AIF1L: variants seen among roughly 807,000 people sequenced by gnomAD.
The protein encoded by AIF1L is allograft inflammatory factor 1 like.
In AIF1L, 12 loss-of-function variants were observed where a neutral mutation model predicts 20.7. The ratio of observed to expected loss-of-function variants is 0.58; its 90% confidence interval spans 0.37 to 0.94. AIF1L has a LOEUF of 0.94. Ranked by LOEUF, AIF1L falls within the 40% of genes least tolerant of loss-of-function variation. The pLI is 0.01. For missense variants in AIF1L, 173 were observed against 185.3 expected, an observed-to-expected ratio of 0.93 and a Z score of 0.39; for synonymous variants, 76 against 65.1, an observed-to-expected ratio of 1.17 and a Z score of -0.81.
intron 4 of AIF1L, among the ~76,000 whole-genome samples, chr9:131,114,923 C>T (rs1830974915): frequency 6.6e-6 from 1 of 152,202 alleles, no homozygotes; most frequent in Non-Finnish European, 1.5e-5. Flanking sequence ...TGGACAGGCC[C>T]TGGGCCTCCT....
Position 131,121,117 on chromosome 9 carries a change from T to A in AIF1L, c.*795T>A. ...GTGCTGTTCCACCTTTTAGGGAGGT[T>A]ACTGAGGGGACCAGGATGGGAGAAT... On this transcript the variant is annotated 3_prime_UTR_variant, in exon 6 of 6. Transcript: ENST00000247291. The A allele has an allele frequency of 1.4e-6, 1 of 714,268 alleles. No individual in the cohort carries two copies. Among genetic ancestry groups the A allele is most frequent in the Non-Finnish European group, 2.6e-6 (1 of 383,604 alleles). 44.2% of individuals were successfully genotyped at this position (714,268 alleles called of 1,614,324 possible).
intron 2 of AIF1L, among the ~76,000 whole-genome samples, chr9:131,104,939 A>G (rs1167073089): frequency 3.3e-5 from 5 of 151,696 alleles, no homozygotes. Context: ...AGTGGATTCA[A>G]ACTCAGGCAT....
At chr9:131,099,406 A>G (rs1017281630) in intron 2 of AIF1L, among the ~76,000 whole-genome samples, 4 of 152,238 alleles carry the variant, frequency 2.6e-5, no homozygotes, top group African/African-American at 9.6e-5. Flanking sequence ...ACCCACGGCC[A>G]TGGGGGCAGT....
Position 131,096,534 on chromosome 9 carries a change from C to G in AIF1L, c.-96C>G. 1 of 1,386,980 alleles carries G rather than the reference C, an allele frequency of 7.2e-7. No individual in the cohort carries two copies. The highest frequency in any genetic ancestry group is 9.4e-7 in the Non-Finnish European group (1 of 1,062,236). The allele number at this position is 1,386,980 out of a possible 1,614,324, so 85.9% of individuals were successfully genotyped here. On this transcript the variant is annotated 5_prime_UTR_variant, in exon 1 of 6. Transcript: ENST00000247291. ...TCCGCCCCTCGGTCCCGCGGCCACA[C>G]GCAGCTAGCCGGAGCCCGGACCAGG...
chr9:131,104,554 C>T (rs184901215), intron 2 of AIF1L, among the ~76,000 whole-genome samples: 25 of 152,212 alleles, frequency 1.6e-4, no homozygotes, highest in Admixed American at 3.3e-4. Flanking sequence ...CTCTCTGGGC[C>T]TCAGTTGTCC....
At chr9:131,111,538 A>G (rs541567942) in intron 2 of AIF1L, 59 bp from the exon 3 acceptor site, 29 of 1,511,634 alleles carry the variant, frequency 1.9e-5, no homozygotes, top group Middle Eastern at 1.7e-4. Flanking sequence ...CAGTGGGCCC[A>G]TGTGTGGGTG....
intron 4 of AIF1L, among the ~76,000 whole-genome samples, chr9:131,116,077 C>T (rs1304583590): frequency 1.3e-5 from 2 of 151,816 alleles, no homozygotes; most frequent in African/African-American, 4.8e-5. Flanking sequence ...GCATCACCCA[C>T]AACCCCACCT....
At chr9:131,109,845 A>G (rs1469967078) in intron 2 of AIF1L, among the ~76,000 whole-genome samples, 2 of 152,132 alleles carry the variant, frequency 1.3e-5, no homozygotes, top group Non-Finnish European at 2.9e-5. Context: ...GCAGGCTCCA[A>G]ATGAGATGGA....
At chr9:131,099,172 G>A (rs1206053678) in intron 2 of AIF1L, among the ~76,000 whole-genome samples, 3 of 152,200 alleles carry the variant, frequency 2.0e-5, no homozygotes, top group Non-Finnish European at 4.4e-5. Context: ...ATAGCTATCA[G>A]GACAGTTTCT....
intron 2 of AIF1L, among the ~76,000 whole-genome samples, chr9:131,104,178 C>T (rs1564164678): frequency 6.6e-6 from 1 of 152,238 alleles, no homozygotes; most frequent in Non-Finnish European, 1.5e-5. Context: ...GGCCTCCAGG[C>T]CTGCCCCTCT....
intron 2 of AIF1L, chr9:131,111,368 G>A (rs1830879020): frequency 2.0e-6 from 1 of 508,952 alleles, no homozygotes; most frequent in South Asian, 2.7e-5. Flanking sequence ...GTCACCCGTA[G>A]TGAACCCTCT....
At position 131,096,840 on chromosome 9, in the gene AIF1L, A is replaced by C. The variant is rs1273612439; in HGVS notation, c.70A>C (p.Arg24=). 3 of 1,537,900 alleles carry C rather than the reference A, an allele frequency of 2.0e-6. No homozygotes were observed. The highest frequency in any genetic ancestry group is 2.6e-6 in the Non-Finnish European group (3 of 1,142,966). ...CGGCTTGCTCAAAGCCCGGCAGGAG[A>C]GGAGGCTGGCCGAGATCAACCGGGT... ...AFGLLKARQE[R]RLAEINREFL... Residue 24 remains arginine (R), a synonymous_variant, in exon 2 of 6, where the codon AGG becomes CGG. Coordinates refer to ENST00000247291, the MANE Select transcript of AIF1L (RefSeq NM_031426.4).
intron 4 of AIF1L, 124 bp downstream of exon 4, chr9:131,114,742 C>A: frequency 1.6e-6 from 2 of 1,214,786 alleles, no homozygotes; most frequent in Non-Finnish European, 2.4e-6. Flanking sequence ...TTGCGCCGAG[C>A]CAGCCCCAGC....
intron 5 of AIF1L, 141 bp downstream of exon 5, chr9:131,118,059 C>T: frequency 1.2e-6 from 1 of 830,060 alleles, no homozygotes; most frequent in South Asian, 2.2e-5. Flanking sequence ...ACTTACTTCT[C>T]CTGATCCTGA....
intron 2 of AIF1L, 23 bp downstream of exon 2, chr9:131,096,886 C>A: frequency 6.6e-7 from 1 of 1,516,896 alleles, no homozygotes; most frequent in Non-Finnish European, 8.8e-7. Context: ...CCCAGGGCAG[C>A]ACGCGAGTCC....
rs1470015366 is a variant in AIF1L, at chr9:131,111,785, CCTT to C, written c.160+127_160+129del. The stretch of plus-strand genomic sequence containing the variant: ...TGTGGCCCTGTTTTGTCCAGAATGC[CCTT>C]CTTCCTGGAGAAGGCTTGGAGACAG... On this transcript the variant is annotated intron_variant, in intron 3 of 5. Coordinates refer to ENST00000247291, the MANE Select transcript of AIF1L (RefSeq NM_031426.4). 9 of 1,017,778 alleles carry C rather than the reference CCTT, an allele frequency of 8.8e-6. No homozygotes were observed. In the East Asian group the frequency reaches 1.9e-4, roughly 22 times the overall value. The allele number at this position is 1,017,778 out of a possible 1,614,324, so 63.0% of individuals were successfully genotyped here.
intron 2 of AIF1L, among the ~76,000 whole-genome samples, chr9:131,102,658 A>G (rs1172311110): frequency 6.6e-6 from 1 of 152,188 alleles, no homozygotes; most frequent in Non-Finnish European, 1.5e-5. Context: ...GTTGGCGAGG[A>G]TGCGGCATCT....
At chr9:131,101,963 C>T (rs909302583) in intron 2 of AIF1L, among the ~76,000 whole-genome samples, 3 of 152,138 alleles carry the variant, frequency 2.0e-5, no homozygotes, top group Non-Finnish European at 4.4e-5. Context: ...GTCACCCAGG[C>T]TGGAGTGCAG....
intron 2 of AIF1L, among the ~76,000 whole-genome samples, chr9:131,110,017 C>A (rs1435759314): frequency 6.6e-6 from 1 of 152,142 alleles, no homozygotes; most frequent in African/African-American, 2.4e-5. Context: ...TGGGACCAGC[C>A]TGGGCAACAG....
Sources: allele counts gnomAD v4.1 joint callset (sites outside exome capture counted in the v4.1 genomes callset), GRCh38; gene constraint gnomAD v4.1.1; transcripts MANE v1.5; gene names NCBI Gene and HGNC (gene_info 2026-07-23, HGNC 2026-07-21).